Variants in SLC30A9 observed in about 807,000 individuals in gnomAD.
SLC30A9 encodes solute carrier family 30 member 9.
Under a neutral mutation model 87.5 loss-of-function variants are expected in SLC30A9, and 58 were observed. That is an observed-to-expected ratio of 0.66 (90% CI 0.54 to 0.82). The LOEUF is 0.82. Ranked by LOEUF, SLC30A9 falls within the 40% of genes least tolerant of loss-of-function variation. The pLI is 0.00. For synonymous variants in SLC30A9, 234 were observed against 233.0 expected (o/e 1.00, Z -0.04); for missense variants, 557 against 679.1 (o/e 0.82, Z 2.00).
At chr4:42,014,479 C>G (rs1167185966) in intron 2 of SLC30A9, among the ~76,000 whole-genome samples, 1 of 151,932 alleles carries the variant, frequency 6.6e-6, no homozygotes, top group Non-Finnish European at 1.5e-5. Context: ...ATTGCTTGAA[C>G]CCAGGAGGCG....
Position 42,004,130 on chromosome 4 carries a change from T to A in SLC30A9, c.274+2350T>A, listed in dbSNP as rs1417172838. Among the ~76,000 whole-genome samples the A allele has an allele frequency of 5.9e-5, 9 of 152,222 alleles. No individual in the cohort carries two copies. In the East Asian group the frequency reaches 1.7e-3, roughly 29 times the overall value. ...TTTTGTGGGAAAGGCACATTTAAGA[T>A]GTTACTCGATTGTTTTTTGGCTTCC... is the stretch of plus-strand genomic sequence containing the variant. On this transcript the variant is annotated intron_variant, in intron 2 of 17. Transcript: ENST00000264451.
At chr4:42,006,822 T>C (rs1036634913) in intron 2 of SLC30A9, among the ~76,000 whole-genome samples, 1 of 152,080 alleles carries the variant, frequency 6.6e-6, no homozygotes, top group African/African-American at 2.4e-5. Flanking sequence ...TGATCCAGCT[T>C]CCATATTCCT....
chr4:42,021,496 A>G (rs1290159695), intron 4 of SLC30A9, among the ~76,000 whole-genome samples: 1 of 152,222 alleles, frequency 6.6e-6, no homozygotes. Flanking sequence ...AAATTTCCAT[A>G]GGAAGATCCA....
rs545689593 is a variant in SLC30A9, at chr4:41,999,302, T to C, written c.110-2314T>C. ...ACTACTTTTCTGAATAACCAATAAA[T>C]GATGGATATTTTCTCTTTGTAGAAA... On this transcript the variant is annotated intron_variant, in intron 1 of 17. Transcript: ENST00000264451. 3.3e-5 allele frequency among the ~76,000 whole-genome samples: 5 copies of C among 152,326 alleles called. No homozygotes were observed. In the South Asian group the frequency reaches 8.3e-4, roughly 25 times the overall value.
intron 2 of SLC30A9, among the ~76,000 whole-genome samples, chr4:42,009,907 C>T (rs1307007379): frequency 1.3e-5 from 2 of 152,182 alleles, no homozygotes; most frequent in Non-Finnish European, 2.9e-5. Flanking sequence ...TTTCCCTTCA[C>T]TCCTCTCTGC....
rs186192417 is a variant in SLC30A9, at chr4:42,010,181, G to A, written c.275-7930G>A. ...CTGTACATGCTTTAGGTATCAAAAC[G>A]TACTGTATTTTGGTCAAGTGAAGTG... On this transcript the variant is annotated intron_variant, in intron 2 of 17. Transcript: ENST00000264451. Among the ~76,000 whole-genome samples, 12 of 152,210 alleles carry A rather than the reference G, an allele frequency of 7.9e-5. No homozygotes were observed. In the South Asian group the frequency reaches 1.5e-3, roughly 18 times the overall value.
rs573895013 is a variant in SLC30A9, at chr4:42,080,896, C to T, written c.1662+2571C>T. Among the ~76,000 whole-genome samples, 9 of 152,282 alleles carry T rather than the reference C, an allele frequency of 5.9e-5. No homozygotes were observed. In the South Asian group the frequency reaches 1.5e-3, roughly 25 times the overall value. ...ATTAGTATTTTGGAAAATACTGGTTCACAGAAGTACTTAGATCTTTCAGAT... is the reference window on the plus strand; with the variant it reads ...ATTAGTATTTTGGAAAATACTGGTTTACAGAAGTACTTAGATCTTTCAGAT... On this transcript the variant is annotated intron_variant, in intron 17 of 17. Coordinates refer to ENST00000264451, the MANE Select transcript of SLC30A9 (RefSeq NM_006345.4).
chr4:41,992,536 T>G (rs17445550), intron 1 of SLC30A9, among the ~76,000 whole-genome samples: 7,345 of 152,256 alleles, frequency 0.048, 250 homozygotes, highest in African/African-American at 0.077. Context: ...AACAGTGTAA[T>G]TTGTAATCCC....
intron 8 of SLC30A9, among the ~76,000 whole-genome samples, chr4:42,047,962 CAGACTAGCACA>C (rs1196551253): frequency 6.6e-6 from 1 of 151,960 alleles, no homozygotes. Flanking sequence ...TCATTCTCAG[CAGACTAGCACA>C]AGAACAGAAA....
At position 41,992,665 on chromosome 4, in the gene SLC30A9, A is replaced by G. The variant is rs1359055906; in HGVS notation, c.109+1905A>G. 3.9e-5 allele frequency among the ~76,000 whole-genome samples: 6 copies of G among 152,356 alleles called. No individual in the cohort carries two copies. In the East Asian group the frequency reaches 1.2e-3, roughly 29 times the overall value. On this transcript the variant is annotated intron_variant, in intron 1 of 17. Transcript: ENST00000264451. ...AAATGACTTTGCAAAGTTGTTTGGA[A>G]TGTTTATTACTACAAAAAATTAAAA...
chr4:42,067,646 G>A (rs562984249), intron 14 of SLC30A9, among the ~76,000 whole-genome samples: 3 of 152,126 alleles, frequency 2.0e-5, no homozygotes, highest in Admixed American at 6.5e-5. Flanking sequence ...ACATTGTTGC[G>A]AAAAATATCA....
intron 7 of SLC30A9, among the ~76,000 whole-genome samples, chr4:42,037,953 G>T (rs975170104): frequency 2.6e-5 from 4 of 152,020 alleles, no homozygotes; most frequent in African/African-American, 7.2e-5. Context: ...TTGTATTTTA[G>T]TAGAGACGGG....
intron 8 of SLC30A9, among the ~76,000 whole-genome samples, chr4:42,041,915 G>A (rs948038411): frequency 2.0e-4 from 30 of 152,180 alleles, no homozygotes; most frequent in African/African-American, 3.1e-4. Context: ...AGGGTGACCC[G>A]AAGCAGGGTG....
Position 42,086,487 on chromosome 4 carries a change from T to C in SLC30A9, c.*361T>C, listed in dbSNP as rs1746919364. On this transcript the variant is annotated 3_prime_UTR_variant, in exon 18 of 18. Transcript: ENST00000264451. ...CATTGGTAAAAATAAGTGGCATCCATAGGATCATGATTTTTAATTTGTTGC... is the reference window on the plus strand; with the variant it reads ...CATTGGTAAAAATAAGTGGCATCCACAGGATCATGATTTTTAATTTGTTGC... 1.2e-5 allele frequency: 2 copies of C among 168,390 alleles called. No homozygotes were observed. Among genetic ancestry groups the C allele is most frequent in the South Asian group, 4.0e-4 (2 of 4,956 alleles). 10.4% of individuals were successfully genotyped at this position (168,390 alleles called of 1,614,324 possible). A position where few individuals can be genotyped will look rare whatever the true frequency, so the allele number is the denominator to read the frequency against.
At chr4:42,016,000 G>A (rs947811766) in intron 2 of SLC30A9, among the ~76,000 whole-genome samples, 1 of 152,056 alleles carries the variant, frequency 6.6e-6, no homozygotes, top group Admixed American at 6.5e-5. Context: ...CGTGACTTTG[G>A]GAGAATTTAC....
In SLC30A9 at chr4:41,990,621, G is replaced by A. The variant is rs770779556; in HGVS notation, c.-31G>A. The stretch of plus-strand genomic sequence containing the variant: ...GGTGGCGGCGCGGAGGCAGAAGGCG[G>A]TGTCCGAGTAGGGGCCTCTGCCCCA... On this transcript the variant is annotated 5_prime_UTR_variant, in exon 1 of 18. In the 5' UTR this introduces an upstream ATG that the reference lacks. Transcript: ENST00000264451. The A allele has an allele frequency of 2.2e-6, 3 of 1,385,212 alleles. No individual in the cohort carries two copies. The African/African-American group carries it at 4.2e-5, about 19-fold the overall frequency. 85.8% of individuals were successfully genotyped at this position (1,385,212 alleles called of 1,614,324 possible).
chr4:42,014,882 A>G (rs1473244357), intron 2 of SLC30A9, among the ~76,000 whole-genome samples: 1 of 152,164 alleles, frequency 6.6e-6, no homozygotes, highest in East Asian at 1.9e-4. Context: ...GAGAGAGAGT[A>G]GAATGATGGT....
intron 6 of SLC30A9, among the ~76,000 whole-genome samples, chr4:42,024,796 T>C (rs1485149629): frequency 3.3e-5 from 5 of 152,230 alleles, no homozygotes; most frequent in African/African-American, 1.2e-4. Context: ...ATTTTGAATA[T>C]CTCTGACTAC....
chr4:42,070,842 G>T, intron 15 of SLC30A9, 151 bp downstream of exon 15: 1 of 553,440 alleles, frequency 1.8e-6, no homozygotes, highest in Non-Finnish European at 3.0e-6. Context: ...AATCCTGGAA[G>T]TAAGAAAGAA....
Sources: gnomAD v4.1 joint callset for allele counts (sites outside exome capture counted in the v4.1 genomes callset) on GRCh38, gnomAD v4.1.1 for gene constraint, MANE v1.5 for transcripts, NCBI Gene and HGNC (gene_info 2026-07-23, HGNC 2026-07-21) for gene names.